NLRC4: variants seen among roughly 807,000 people sequenced by gnomAD.
NLRC4 encodes NLR family CARD domain containing 4.
NLRC4 carries 63 observed loss-of-function variants against 79.9 expected under a neutral mutation model. The ratio of observed to expected loss-of-function variants is 0.79; its 90% CI spans 0.64 to 0.97. The LOEUF (loss-of-function observed/expected upper bound fraction) is 0.97, where lower values mean the gene tolerates loss of function less well. Ranked by LOEUF, NLRC4 falls within the 50% of genes least tolerant of loss-of-function variation. NLRC4 has a pLI of 0.00. For missense variants in NLRC4, 1,074 were observed against 1,215.2 expected (o/e 0.88, Z 1.73); for synonymous variants, 461 against 456.5 (o/e 1.01, Z -0.12).
chr2:32,255,494 T>C (rs1428841875), intron 2 of NLRC4, among the ~76,000 whole-genome samples: 5 of 128,260 alleles, frequency 3.9e-5, no homozygotes, highest in African/African-American at 1.2e-4. Context: ...CACTCCAGCC[T>C]GGGCAACAAG....
chr2:32,231,364 C>T (rs1045484872), intron 8 of NLRC4, among the ~76,000 whole-genome samples: 1 of 150,872 alleles, frequency 6.6e-6, no homozygotes, highest in African/African-American at 2.4e-5. Context: ...ACCATATTGG[C>T]CAGGCTGGTC....
At chr2:32,254,260 A>G (rs1338127196) in intron 2 of NLRC4, among the ~76,000 whole-genome samples, 2 of 152,048 alleles carry the variant, frequency 1.3e-5, no homozygotes, top group Non-Finnish European at 2.9e-5. Flanking sequence ...TAATTCATGT[A>G]TAGTATCTCA....
At chr2:32,238,080 A>G in intron 6 of NLRC4, 52 bp downstream of exon 6, 2 of 1,346,028 alleles carry the variant, frequency 1.5e-6, no homozygotes, top group East Asian at 2.4e-5. Flanking sequence ...GTATAATAGT[A>G]TCACATGTTC....
At position 32,249,859 on chromosome 2, in the gene NLRC4, A is replaced by T. The variant is rs1687024922; in HGVS notation, c.2005T>A (p.Phe669Ile). The T allele has an allele frequency of 2.5e-6, 4 of 1,614,222 alleles. No homozygotes were observed. The highest frequency in any genetic ancestry group is 3.4e-6 in the Non-Finnish European group (4 of 1,180,052). Residue 669 changes from phenylalanine (F) to isoleucine (I), a missense_variant, in exon 4 of 9, where the codon TTC (phenylalanine) becomes ATC (isoleucine). Coordinates refer to ENST00000402280, the MANE Select transcript of NLRC4 (RefSeq NM_001199138.2). ...ATATCTTGCTTATTCAACTTGCTGA[A>T]ATCCCGGAGTGTGACCTCCAGAGTC... ...FRTLEVTLRD[F>I]SKLNKQDIRY...
chr2:32,253,157 A>AT (rs1395064864), intron 2 of NLRC4, among the ~76,000 whole-genome samples: 8 of 151,360 alleles, frequency 5.3e-5, no homozygotes, highest in Middle Eastern at 3.4e-3. Context: ...TCTGCCAAGC[A>AT]TTTTTTTTCT....
intron 1 of NLRC4, 107 bp from the exon 2 acceptor site, chr2:32,257,000 A>G (rs1023795821): frequency 8.1e-6 from 4 of 491,936 alleles, no homozygotes; most frequent in Non-Finnish European, 1.5e-5. Flanking sequence ...GACCCAAACC[A>G]GAAAAAAACT....
At chr2:32,239,542 G>A (rs923965130) in intron 5 of NLRC4, among the ~76,000 whole-genome samples, 2 of 152,124 alleles carry the variant, frequency 1.3e-5, no homozygotes, top group Admixed American at 6.6e-5. Context: ...TAGCTGAAGC[G>A]TTAGGGATCA....
At chr2:32,247,084 G>A (rs533194607) in intron 4 of NLRC4, among the ~76,000 whole-genome samples, 1 of 152,230 alleles carries the variant, frequency 6.6e-6, no homozygotes, top group Admixed American at 6.5e-5. Context: ...CAGTTAGGGT[G>A]GGAACGGAGC....
At position 32,227,089 on chromosome 2, in the gene NLRC4, T is replaced by C. The variant is rs531112462; in HGVS notation, c.2783-2324A>G. 2.0e-5 allele frequency among the ~76,000 whole-genome samples: 3 copies of C among 152,096 alleles called. 1 individual carries two copies. In the South Asian group the frequency reaches 6.2e-4, roughly 32 times the overall value. ...TGTCACTTTTCCGCTTTTCCCCTCT[T>C]CTACTAGGTTGAAATGATCACAGGG... is the stretch of plus-strand genomic sequence containing the variant. On this transcript the variant is annotated intron_variant, in intron 8 of 8. Coordinates refer to ENST00000402280, the MANE Select transcript of NLRC4 (RefSeq NM_001199138.2).
At chr2:32,238,082 C>A in intron 6 of NLRC4, 50 bp downstream of exon 6, 1 of 1,342,338 alleles carries the variant, frequency 7.4e-7, no homozygotes, top group Non-Finnish European at 1.0e-6. Flanking sequence ...ATAATAGTAT[C>A]ACATGTTCTG....
chr2:32,224,914 T>C, intron 8 of NLRC4, 149 bp from the exon 9 acceptor site: 1 of 549,330 alleles, frequency 1.8e-6, no homozygotes, highest in Non-Finnish European at 3.2e-6. Flanking sequence ...AAATTATTAA[T>C]ATAATTCTCT....
chr2:32,244,970 CAT>C (rs1375841543), intron 4 of NLRC4, among the ~76,000 whole-genome samples: 1 of 151,730 alleles, frequency 6.6e-6, no homozygotes, highest in Non-Finnish European at 1.5e-5. Flanking sequence ...TGTGGTGGCA[CAT>C]GTCAGTGGTC....
intron 2 of NLRC4, among the ~76,000 whole-genome samples, chr2:32,254,151 A>AG (rs1352251333): frequency 6.6e-6 from 1 of 151,950 alleles, no homozygotes. Context: ...TTCAATAATC[A>AG]GGTTTCACAT....
At chr2:32,258,493 G>T (rs758562532) in intron 1 of NLRC4, among the ~76,000 whole-genome samples, 1 of 152,122 alleles carries the variant, frequency 6.6e-6, no homozygotes, top group East Asian at 1.9e-4. Flanking sequence ...TGCCAGGGAC[G>T]CGCCCTTCTC....
intron 2 of NLRC4, among the ~76,000 whole-genome samples, chr2:32,254,755 A>G (rs1028719354): frequency 2.0e-4 from 30 of 151,148 alleles, no homozygotes; most frequent in Non-Finnish European, 4.1e-4. Flanking sequence ...AGCAGCTGGG[A>G]TTACAGGCAT....
rs1161066028 is a variant in NLRC4, at chr2:32,250,621, T to C, written c.1243A>G (p.Ser415Gly). Reference protein sequence around the residue: ...KFDFELQDVSSVNEDVLLTTG... With the variant: ...KFDFELQDVSGVNEDVLLTTG... ...GTCAGCAGGACATCCTCATTCACGC[T>C]GGACACATCCTGCAGTTCGAAATCA... The change falls in exon 4 of 9, where the codon AGC becomes GGC. Residue 415 changes from serine to glycine, a missense_variant. Physicochemically the swap from Ser to Gly is moderately conservative, Grantham distance 56. Coordinates refer to ENST00000402280, the MANE Select transcript of NLRC4 (RefSeq NM_001199138.2). The surrounding 1 kb of genome is among the most constrained non-coding windows in gnomAD (Gnocchi z 4.9). 3 of 1,614,190 alleles carry C rather than the reference T, an allele frequency of 1.9e-6. No homozygotes were observed. The highest frequency in any genetic ancestry group is 1.7e-6 in the Non-Finnish European group (2 of 1,180,036).
At chr2:32,244,421 A>G (rs1012853355) in intron 4 of NLRC4, among the ~76,000 whole-genome samples, 7 of 152,186 alleles carry the variant, frequency 4.6e-5, no homozygotes, top group African/African-American at 7.2e-5. Context: ...AGAAAACTAC[A>G]TTTAACATTA....
chr2:32,240,498 T>C (rs897297817), intron 5 of NLRC4, among the ~76,000 whole-genome samples: 1 of 151,992 alleles, frequency 6.6e-6, no homozygotes, highest in Non-Finnish European at 1.5e-5. Flanking sequence ...AGGGCCTGGT[T>C]CCCTGTGGTA....
At chr2:32,248,850 C>T (rs1231249368) in intron 4 of NLRC4, among the ~76,000 whole-genome samples, 9 of 152,196 alleles carry the variant, frequency 5.9e-5, no homozygotes. Context: ...AAGCATTGGT[C>T]TCAAGATAAG....
Sources: gnomAD v4.1 joint callset for allele counts (sites outside exome capture counted in the v4.1 genomes callset) on GRCh38, gnomAD v4.1.1 for gene constraint, Gnocchi (gnomAD v3.1) non-coding constraint, MANE v1.5 for transcripts, NCBI Gene and HGNC (gene_info 2026-07-23, HGNC 2026-07-21) for gene names.